The following PRRC2C variants were observed in gnomAD, a reference collection of about 807,000 sequenced individuals.
PRRC2C encodes the protein proline rich coiled-coil 2C.
Under a neutral mutation model 317.2 loss-of-function variants are expected in PRRC2C, and 72 were observed. The observed-to-expected ratio is 0.23, with a 90% CI of 0.19 to 0.28. The LOEUF is 0.28. Ranked by LOEUF, PRRC2C falls within the 10% of genes least tolerant of loss-of-function variation. PRRC2C has a pLI of 1.00. For missense variants in PRRC2C, 3,074 were observed against 3,459.7 expected, an observed-to-expected ratio of 0.89 and a Z score of 2.80; for synonymous variants, 1,296 against 1,205.9, an observed-to-expected ratio of 1.07 and a Z score of -1.55.
Position 171,503,376 on chromosome 1 carries a change from T to G in PRRC2C, c.-57-8656T>G, listed in dbSNP as rs373922934. ...CCATCTTTACTAAAAGTACAAAAAT[T>G]AGCTGGGCGTGGTGGCACGTGCCTG... On this transcript the variant is annotated intron_variant, in intron 1 of 34. Transcript: ENST00000647382. Among the ~76,000 whole-genome samples, 32 of 152,130 alleles carry G rather than the reference T, an allele frequency of 2.1e-4. No individual in the cohort carries two copies. In the East Asian group the frequency reaches 2.7e-3, roughly 13 times the overall value.
At chr1:171,535,405 C>G (rs371587447) in intron 12 of PRRC2C, 23 bp from the exon 13 acceptor site, 36 of 1,603,058 alleles carry the variant, frequency 2.2e-5, no homozygotes, top group Non-Finnish European at 3.0e-5. Flanking sequence ...AATACTATTA[C>G]CTTTCACCTT....
intron 19 of PRRC2C, 103 bp downstream of exon 19, chr1:171,558,246 AT>A: frequency 7.5e-7 from 1 of 1,339,032 alleles, no homozygotes; most frequent in Non-Finnish European, 9.8e-7. Context: ...TAGCCATCTC[AT>A]TTTTTATTGT....
Position 171,565,686 on chromosome 1 carries a change from T to C in PRRC2C, c.6118-547T>C, listed in dbSNP as rs1299197981. Reference sequence around the variant, plus strand: ...TGGTCTCAAACTCCTGACCTCATCATCCGCCCACCTAGGCCTCCCAGAGTG... The same window carrying C: ...TGGTCTCAAACTCCTGACCTCATCACCCGCCCACCTAGGCCTCCCAGAGTG... On this transcript the variant is annotated intron_variant, in intron 20 of 34. Coordinates refer to ENST00000647382, the MANE Select transcript of PRRC2C (RefSeq NM_001387844.1). Among the ~76,000 whole-genome samples, 4 of 152,158 alleles carry C rather than the reference T, an allele frequency of 2.6e-5. No homozygotes were observed. The East Asian group carries it at 7.7e-4, about 29-fold the overall frequency.
chr1:171,487,147 G>C (rs1166208634), intron 1 of PRRC2C, among the ~76,000 whole-genome samples: 1 of 152,128 alleles, frequency 6.6e-6, no homozygotes, highest in Admixed American at 6.5e-5. Flanking sequence ...TATACACTGA[G>C]CACAGTAATA....
At chr1:171,555,888 G>A (rs529873652) in intron 18 of PRRC2C, among the ~76,000 whole-genome samples, 17 of 152,310 alleles carry the variant, frequency 1.1e-4, no homozygotes, top group Admixed American at 9.1e-4. Flanking sequence ...GGACCCACTT[G>A]AGGAGGCAGT....
rs184985225 is a variant in PRRC2C, at chr1:171,545,378, A to G, written c.4764-101A>G. ...ACAGTTAAGAGTTTTCTATCCCAAC[A>G]GTGTTTCATCTTAGAATGAACTTTA... On this transcript the variant is annotated intron_variant, in intron 16 of 34. Transcript: ENST00000647382. The G allele has an allele frequency of 2.2e-4, 204 of 948,404 alleles. 1 individual carries two copies. The highest frequency in any genetic ancestry group is 6.7e-4 in the Admixed American group (25 of 37,136). 58.7% of individuals were successfully genotyped at this position (948,404 alleles called of 1,614,324 possible).
intron 23 of PRRC2C, 83 bp downstream of exon 23, chr1:171,568,422 C>T (rs762860993): frequency 6.7e-7 from 1 of 1,484,344 alleles, no homozygotes; most frequent in Non-Finnish European, 9.0e-7. Context: ...GTTTTATTTA[C>T]TGTAGTGATC....
chr1:171,505,152 C>A (rs1056451016), intron 1 of PRRC2C, among the ~76,000 whole-genome samples: 1 of 151,920 alleles, frequency 6.6e-6, no homozygotes, highest in African/African-American at 2.4e-5. Context: ...CTCAGCCTCC[C>A]GAGTAGCTGG....
At position 171,566,665 on chromosome 1, in the gene PRRC2C, A is replaced by C. The variant is rs1176449586; in HGVS notation, c.6380A>C (p.Asn2127Thr). ...GPIGKERSLK[N>T]RKVKDAQQVE... is the part of the protein sequence containing the mutation. ...ATTGGAAAGGAACGTTCATTAAAAA[A>C]TAGAAAAGTAAAAGATGCCCAACAG... is the stretch of plus-strand genomic sequence containing the variant. Residue 2127 changes from asparagine to threonine, a missense_variant, in exon 22 of 35, where the codon AAT becomes ACT. By Grantham distance (65) the Asn-to-Thr change is moderately conservative. Around this residue, in one of 11 missense-constraint regions of PRRC2C, gnomAD observed 640 missense variants for 676.1 expected, o/e 0.95. Coordinates refer to ENST00000647382, the MANE Select transcript of PRRC2C (RefSeq NM_001387844.1). 1 of 1,611,134 alleles carries C rather than the reference A, an allele frequency of 6.2e-7. No individual in the cohort carries two copies. The highest frequency in any genetic ancestry group is 8.5e-7 in the Non-Finnish European group (1 of 1,178,434).
chr1:171,587,333 A>G (rs1295308714), intron 31 of PRRC2C, 112 bp downstream of exon 31: 1 of 991,808 alleles, frequency 1.0e-6, no homozygotes, highest in African/African-American at 1.6e-5. Flanking sequence ...ACCACCCTGC[A>G]AAAATCTCAA....
At chr1:171,522,124 T>A in intron 6 of PRRC2C, 53 bp from the exon 7 acceptor site, 1 of 953,528 alleles carries the variant, frequency 1.0e-6, no homozygotes, top group Non-Finnish European at 1.5e-6. Flanking sequence ...ATATAATTTT[T>A]TAAAATAACT....
intron 17 of PRRC2C, among the ~76,000 whole-genome samples, chr1:171,546,475 A>G (rs555225312): frequency 1.3e-5 from 2 of 152,350 alleles, no homozygotes; most frequent in Middle Eastern, 6.8e-3. Flanking sequence ...TTATTTGTAC[A>G]TATTAAGCTC....
intron 1 of PRRC2C, among the ~76,000 whole-genome samples, chr1:171,489,574 CAAGAATAA>C (rs1666740322): frequency 6.6e-6 from 1 of 152,168 alleles, no homozygotes; most frequent in Non-Finnish European, 1.5e-5. Context: ...TAAGAAAAAT[CAAGAATAA>C]TTGTGATTAT....
intron 24 of PRRC2C, among the ~76,000 whole-genome samples, chr1:171,573,052 A>T (rs1210403150): frequency 6.6e-6 from 1 of 152,196 alleles, no homozygotes; most frequent in African/African-American, 2.4e-5. Context: ...TGTATGATGG[A>T]TCCATAGAAT....
In PRRC2C at chr1:171,532,972, ATTC is replaced by A. The variant is rs767467861; in HGVS notation, c.1873+15_1873+17del. 97 of 1,521,092 alleles carry A rather than the reference ATTC, an allele frequency of 6.4e-5. No individual in the cohort carries two copies. The highest frequency in any genetic ancestry group is 4.7e-4 in the South Asian group (34 of 72,454). The allele number at this position is 1,521,092 out of a possible 1,614,324, so 94.2% of individuals were successfully genotyped here. On this transcript the variant is annotated intron_variant, in intron 12 of 34. Coordinates refer to ENST00000647382, the MANE Select transcript of PRRC2C (RefSeq NM_001387844.1). The stretch of plus-strand genomic sequence containing the variant: ...ACAGCTGTAATAAAGGTTTGATAGT[ATTC>A]TTCATTCTCTTTTAAAAACTTTACA...
intron 1 of PRRC2C, among the ~76,000 whole-genome samples, chr1:171,488,730 G>A (rs1414568062): frequency 6.6e-6 from 1 of 152,138 alleles, no homozygotes; most frequent in East Asian, 1.9e-4. Flanking sequence ...GTCAAACAAG[G>A]ACTGTTACTT....
At chr1:171,571,292 TTG>T in intron 23 of PRRC2C, 26 bp from the exon 24 acceptor site, 4 of 1,330,076 alleles carry the variant, frequency 3.0e-6, no homozygotes, top group Non-Finnish European at 4.3e-6. Flanking sequence ...CATAGTTAGA[TTG>T]TGATATGTGT....
At chr1:171,537,168 TA>T in intron 14 of PRRC2C, 94 bp from the exon 15 acceptor site, 1 of 945,792 alleles carries the variant, frequency 1.1e-6, no homozygotes, top group Non-Finnish European at 1.6e-6. Context: ...GAATTCCACC[TA>T]ACAATTAATA....
chr1:171,529,134 G>A (rs1675300204), intron 11 of PRRC2C, among the ~76,000 whole-genome samples: 2 of 152,076 alleles, frequency 1.3e-5, no homozygotes, highest in South Asian at 2.1e-4. Context: ...GAGACACCTC[G>A]CTATTTTGTT....
Sources: allele counts gnomAD v4.1 joint callset (sites outside exome capture counted in the v4.1 genomes callset), GRCh38; gene constraint gnomAD v4.1.1; regional missense constraint gnomAD v4.1.1; transcripts MANE v1.5; gene names NCBI Gene and HGNC (gene_info 2026-07-23, HGNC 2026-07-21).